Variants in GAB4 observed in about 807,000 individuals in gnomAD.
GAB4 encodes the protein GRB2 associated binding protein family member 4.
In GAB4, 26 loss-of-function variants were observed where a neutral mutation model predicts 51.3. The ratio of observed to expected loss-of-function variants is 0.51; its 90% CI spans 0.37 to 0.70. GAB4 has a LOEUF of 0.70. GAB4 is among the 30% of genes least tolerant of loss of function. The pLI is 0.00. For missense variants in GAB4, 759 were observed against 734.6 expected (o/e 1.03, Z -0.38); for synonymous variants, 329 against 291.2 (o/e 1.13, Z -1.32).
intron 3 of GAB4, among the ~76,000 whole-genome samples, chr22:16,985,893 A>T (rs5994119): frequency 0.011 from 1,618 of 152,354 alleles, 27 homozygotes; most frequent in African/African-American, 0.036. Context: ...ACAGAAATCC[A>T]TAACACGACC....
intron 3 of GAB4, among the ~76,000 whole-genome samples, chr22:16,973,381 G>A (rs886775104): frequency 1.1e-4 from 17 of 152,178 alleles, no homozygotes; most frequent in Admixed American, 9.2e-4. Context: ...GAAAAGTGGG[G>A]TGCTGCCATC....
intron 1 of GAB4, among the ~76,000 whole-genome samples, chr22:16,992,900 T>C (rs2060925071): frequency 6.6e-6 from 1 of 152,210 alleles, no homozygotes; most frequent in South Asian, 2.1e-4. Context: ...CTTTAATATA[T>C]TTTTTTGCAG....
chr22:16,966,185 T>G lies in GAB4; in HGVS notation c.1203A>C (p.Thr401=). The G allele has an allele frequency of 6.2e-7, 1 of 1,613,916 alleles. No individual in the cohort carries two copies. The highest frequency in any genetic ancestry group is 8.5e-7 in the Non-Finnish European group (1 of 1,179,908). The change falls in exon 6 of 10, where the codon ACA becomes ACC. Residue 401 remains threonine, a synonymous_variant. Transcript: ENST00000400588. ...VRFDLLGSPL[T]ELSMHQDLSQ... ...TGAGGTCTTGGTGCATAGAAAGCTC[T>G]GTGAGTGGGGAGCCAAGCAGGTCAA...
At chr22:16,992,274 G>A in intron 1 of GAB4, 98 bp from the exon 2 acceptor site, 3 of 1,061,408 alleles carry the variant, frequency 2.8e-6, no homozygotes, top group Non-Finnish European at 4.1e-6. Context: ...ACTCGGACCT[G>A]CACTCAGCCT....
rs367789494 is a variant in GAB4 at position 16,970,056 on chromosome 22, T to C, written c.824A>G (p.Lys275Arg). ...GAATTCTGCATTGTGCTGGCTGGGC[T>C]TGGAAAGGCTATGGAAGCCATGGAT... Reference protein sequence around the residue: ...GHIHGFHSLSKPSQHNAEFRG... With the variant: ...GHIHGFHSLSRPSQHNAEFRG... The change falls in exon 4 of 10, where the codon AAG becomes AGG. Residue 275 changes from lysine (K) to arginine (R), a missense_variant. Lys to Arg is a conservative substitution (Grantham distance 26, BLOSUM62 2). Coordinates refer to ENST00000400588, the MANE Select transcript of GAB4 (RefSeq NM_001037814.1). The C allele has an allele frequency of 5.6e-6, 9 of 1,614,050 alleles. No individual in the cohort carries two copies. Among genetic ancestry groups the C allele is most frequent in the Admixed American group, 1.7e-5 (1 of 60,002 alleles).
At chr22:16,980,430 AG>A (rs1232774160) in intron 3 of GAB4, among the ~76,000 whole-genome samples, 3 of 152,360 alleles carry the variant, frequency 2.0e-5, no homozygotes, top group African/African-American at 4.8e-5. Context: ...TGGTCATTAC[AG>A]AAATGCAAAT....
At position 16,975,027 on chromosome 22, in the gene GAB4, C is replaced by T. The variant is rs1438047455; in HGVS notation, c.687-4834G>A. 4.6e-5 allele frequency among the ~76,000 whole-genome samples: 7 copies of T among 152,260 alleles called. No homozygotes were observed. In the East Asian group the frequency reaches 1.4e-3, roughly 29 times the overall value. On this transcript the variant is annotated intron_variant, in intron 3 of 9. Transcript: ENST00000400588. ...CTTCACAACTCACGACCAGGAGATTCCCTCGGGTGCCTACACCACCAGGGC... is the reference window on the plus strand; with the variant it reads ...CTTCACAACTCACGACCAGGAGATTTCCTCGGGTGCCTACACCACCAGGGC...
At chr22:16,966,494 G>A (rs1184059701) in intron 5 of GAB4, 130 bp from the exon 6 acceptor site, 3 of 931,558 alleles carry the variant, frequency 3.2e-6, no homozygotes, top group Non-Finnish European at 4.7e-6. Context: ...ACCTTGGCTG[G>A]GGGCTGCTGT....
chr22:16,987,893 A>G (rs2060880856), intron 3 of GAB4, 67 bp downstream of exon 3: 1 of 1,216,904 alleles, frequency 8.2e-7, no homozygotes, highest in Admixed American at 2.2e-5. Flanking sequence ...ATTTAAAAAA[A>G]TCAGGGACTG....
chr22:16,972,061 G>A (rs368690913), intron 3 of GAB4, among the ~76,000 whole-genome samples: 1 of 152,238 alleles, frequency 6.6e-6, no homozygotes, highest in Non-Finnish European at 1.5e-5. Flanking sequence ...CCTTTCACTT[G>A]GTCTTTTGGA....
At chr22:16,971,440 T>C (rs910737430) in intron 3 of GAB4, among the ~76,000 whole-genome samples, 5 of 152,220 alleles carry the variant, frequency 3.3e-5, no homozygotes, top group African/African-American at 1.2e-4. Flanking sequence ...GGTTCTACGT[T>C]CTGTGTGGGC....
intron 1 of GAB4, 46 bp downstream of exon 1, chr22:17,007,889 GTCCCCA>G: frequency 6.8e-7 from 1 of 1,478,384 alleles, no homozygotes; most frequent in Non-Finnish European, 9.1e-7. Flanking sequence ...CCCTCCCGGA[GTCCCCA>G]GACCCTCCGT....
chr22:16,968,488 A>G, intron 4 of GAB4, 105 bp from the exon 5 acceptor site: 2 of 792,914 alleles, frequency 2.5e-6, no homozygotes, highest in Non-Finnish European at 4.5e-6. Flanking sequence ...GCTCTAGAGG[A>G]CACGACTCTC....
chr22:17,008,009 T>C lies in GAB4; in HGVS notation c.106A>G (p.Arg36Gly), dbSNP rs1369785824. 1 of 1,612,226 alleles carries C rather than the reference T, an allele frequency of 6.2e-7. No homozygotes were observed. Among genetic ancestry groups the C allele is most frequent in the Non-Finnish European group, 8.5e-7 (1 of 1,179,452 alleles). Residue 36 changes from arginine to glycine, a missense_variant, in exon 1 of 10, where the codon AGA becomes GGA. Arg to Gly is a moderately radical substitution (Grantham distance 125). This residue lies in a region of GAB4 where 83 missense variants were observed against 73.1 expected (regional missense o/e 1.14). Coordinates refer to ENST00000400588, the MANE Select transcript of GAB4 (RefSeq NM_001037814.1). ...PGSGPAGGST[R>G]SGHVLYSGWL... ...CCGCTGTACAGCACGTGGCCACTTC[T>C]CGTGCTTCCGCCGGCGGGGCCACTT...
intron 8 of GAB4, among the ~76,000 whole-genome samples, 179 bp downstream of exon 8, chr22:16,964,587 C>G (rs1466209032): frequency 6.6e-6 from 1 of 152,174 alleles, no homozygotes; most frequent in East Asian, 1.9e-4. Context: ...CCATCATCTT[C>G]CTAACCCTAA....
At chr22:16,995,031 T>C (rs2399152) in intron 1 of GAB4, among the ~76,000 whole-genome samples, 22,022 of 152,240 alleles carry the variant, frequency 0.14, 1,843 homozygotes, top group East Asian at 0.42. Context: ...ATGTGATGAA[T>C]TGCACTGGCC....
intron 2 of GAB4, among the ~76,000 whole-genome samples, chr22:16,988,744 T>C (rs2060889616): frequency 6.6e-6 from 1 of 152,198 alleles, no homozygotes. Flanking sequence ...CTGTCCACAC[T>C]ACTCAGCAGA....
chr22:16,988,774 G>A (rs61116597), intron 2 of GAB4, among the ~76,000 whole-genome samples: 13,883 of 152,186 alleles, frequency 0.091, 679 homozygotes, highest in African/African-American at 0.11. Context: ...GCCTTTCACA[G>A]TCTGACCTGT....
chr22:16,973,994 A>G (rs1322230246), intron 3 of GAB4, among the ~76,000 whole-genome samples: 1 of 152,232 alleles, frequency 6.6e-6, no homozygotes, highest in African/African-American at 2.4e-5. Flanking sequence ...ATATCAGGTA[A>G]AAGGTAATCA....
Sources: allele counts gnomAD v4.1 joint callset (sites outside exome capture counted in the v4.1 genomes callset), GRCh38; gene constraint gnomAD v4.1.1; regional missense constraint gnomAD v4.1.1; transcripts MANE v1.5; gene names NCBI Gene and HGNC (gene_info 2026-07-23, HGNC 2026-07-21).